KIAA1328: variants seen among roughly 807,000 people sequenced by gnomAD.
The protein encoded by KIAA1328 is KIAA1328, also known as protein hinderin.
KIAA1328 carries 52 observed loss-of-function variants against 68.1 expected under a neutral mutation model. The ratio of observed to expected loss-of-function variants is 0.76; its 90% CI spans 0.61 to 0.96. KIAA1328 has a LOEUF of 0.96. Ranked by LOEUF, KIAA1328 falls within the 40% of genes least tolerant of loss-of-function variation. The pLI, the probability that KIAA1328 is intolerant of heterozygous loss-of-function variation, is 0.00. For synonymous variants in KIAA1328, 232 were observed against 239.4 expected (o/e 0.97, Z 0.28); for missense variants, 641 against 677.6 (o/e 0.95, Z 0.60).
intron 5 of KIAA1328, among the ~76,000 whole-genome samples, chr18:36,909,754 G>A (rs1415844037): frequency 6.6e-6 from 1 of 152,180 alleles, no homozygotes; most frequent in Admixed American, 6.5e-5. Context: ...CCCACCAACA[G>A]TGTAAAAGTG....
At chr18:36,980,601 G>T (rs1449169609) in intron 6 of KIAA1328, among the ~76,000 whole-genome samples, 1 of 152,136 alleles carries the variant, frequency 6.6e-6, no homozygotes, top group African/African-American at 2.4e-5. Context: ...TAAGTGAAGT[G>T]AAAGGAAGTA....
At chr18:37,189,891 C>G (rs1335445352) in intron 9 of KIAA1328, among the ~76,000 whole-genome samples, 1 of 152,154 alleles carries the variant, frequency 6.6e-6, no homozygotes, top group Admixed American at 6.6e-5. Context: ...TAATCCTACT[C>G]TACCCACTGT....
At chr18:37,085,656 A>G (rs2057081023) in intron 7 of KIAA1328, among the ~76,000 whole-genome samples, 1 of 152,104 alleles carries the variant, frequency 6.6e-6, no homozygotes. Flanking sequence ...ATTTATATCC[A>G]TATTTCTGAA....
At chr18:37,040,290 A>G (rs180861323) in intron 6 of KIAA1328, among the ~76,000 whole-genome samples, 1 of 152,260 alleles carries the variant, frequency 6.6e-6, no homozygotes, top group Admixed American at 6.5e-5. Flanking sequence ...CAGATTTTCT[A>G]TATTTTTTGA....
In KIAA1328 at chr18:37,224,132, C is replaced by G; in HGVS notation, c.*1905C>G. 1.0e-6 allele frequency: 1 copy of G among 985,226 alleles called. No homozygotes were observed. The highest frequency in any genetic ancestry group is 1.2e-6 in the Non-Finnish European group (1 of 829,890). The allele number at this position is 985,226 out of a possible 1,614,324, so 61.0% of individuals were successfully genotyped here. On this transcript the variant is annotated 3_prime_UTR_variant, in exon 10 of 10. Transcript: ENST00000280020. The stretch of plus-strand genomic sequence containing the variant: ...GTTGCCAGAACTTTCTTTTCCTTGC[C>G]CCCTGTGTCATGACTAGCTTAAGTG...
At chr18:37,152,376 C>G in intron 7 of KIAA1328, among the ~76,000 whole-genome samples, 1 of 152,024 alleles carries the variant, frequency 6.6e-6, no homozygotes, top group East Asian at 1.9e-4. Flanking sequence ...TATAGATTCC[C>G]CTGGTATCGT....
At chr18:36,840,914 T>C (rs1041355419) in intron 3 of KIAA1328, among the ~76,000 whole-genome samples, 12 of 152,180 alleles carry the variant, frequency 7.9e-5, no homozygotes, top group African/African-American at 2.4e-4. Context: ...GAAAAGCTTA[T>C]AAAGCATAAA....
intron 7 of KIAA1328, among the ~76,000 whole-genome samples, chr18:37,119,183 A>G (rs866938014): frequency 3.4e-4 from 51 of 152,218 alleles, no homozygotes; most frequent in Non-Finnish European, 5.9e-5. Context: ...GAAAATCCAT[A>G]TATAGAGTAA....
chr18:37,223,202 A>G lies in KIAA1328; in HGVS notation c.*975A>G, dbSNP rs3747899. 0.18 allele frequency: 177,448 copies of G among 984,850 alleles called. 21,387 individuals are homozygous for G. Among genetic ancestry groups the G allele is most frequent in the African/African-American group, 0.59 (33,783 of 57,090 alleles). 61.0% of individuals were successfully genotyped at this position (984,850 alleles called of 1,614,324 possible). ...TTCCTCCACGAGGATTAAAGGATACAAGCTGACCAGGCCTCACAGGTGCTC... is the reference window on the plus strand; with the variant it reads ...TTCCTCCACGAGGATTAAAGGATACGAGCTGACCAGGCCTCACAGGTGCTC... On this transcript the variant is annotated 3_prime_UTR_variant, in exon 10 of 10. Transcript: ENST00000280020.
At chr18:36,982,146 AATATATATAATAT>A (rs1228241770) in intron 6 of KIAA1328, among the ~76,000 whole-genome samples, 15 of 55,922 alleles carry the variant, frequency 2.7e-4, no homozygotes, top group East Asian at 1.8e-3. Flanking sequence ...AATATAAATA[AATATATATAATAT>A]ATATATATAA....
chr18:37,037,974 G>A (rs1377699738), intron 6 of KIAA1328, among the ~76,000 whole-genome samples: 1 of 152,060 alleles, frequency 6.6e-6, no homozygotes, highest in Non-Finnish European at 1.5e-5. Context: ...GGTGGCACGC[G>A]CCTGTAGTCC....
chr18:37,041,000 G>A (rs1330392172), intron 6 of KIAA1328, among the ~76,000 whole-genome samples: 7 of 151,506 alleles, frequency 4.6e-5, no homozygotes, highest in Non-Finnish European at 1.5e-5. Context: ...TATTTTATAT[G>A]TTATTAAAAA....
intron 4 of KIAA1328, among the ~76,000 whole-genome samples, chr18:36,875,929 G>A (rs546276889): frequency 5.6e-4 from 85 of 152,086 alleles, no homozygotes; most frequent in African/African-American, 2.0e-3. Flanking sequence ...AGGTAATCGT[G>A]GTTTTTGTCA....
At chr18:36,888,513 C>G (rs1345068180) in intron 5 of KIAA1328, among the ~76,000 whole-genome samples, 1 of 151,842 alleles carries the variant, frequency 6.6e-6, no homozygotes, top group African/African-American at 2.4e-5. Context: ...AGGATTGGAG[C>G]AAATGGTATA....
intron 9 of KIAA1328, among the ~76,000 whole-genome samples, chr18:37,178,313 A>G (rs1441201073): frequency 6.6e-6 from 1 of 152,132 alleles, no homozygotes. Context: ...TTGGAAAGCA[A>G]TTGAGGCCAA....
intron 6 of KIAA1328, among the ~76,000 whole-genome samples, chr18:37,013,987 C>T (rs190953241): frequency 7.9e-5 from 12 of 152,294 alleles, no homozygotes; most frequent in Admixed American, 5.2e-4. Flanking sequence ...TCCTTTTCTC[C>T]GCATCCTCGC....
At chr18:37,036,012 A>G (rs1159125386) in intron 6 of KIAA1328, among the ~76,000 whole-genome samples, 2 of 152,184 alleles carry the variant, frequency 1.3e-5, no homozygotes, top group African/African-American at 4.8e-5. Flanking sequence ...ATGCCTTCAG[A>G]GAAGATAATT....
At chr18:37,049,583 C>T (rs1431339731) in intron 6 of KIAA1328, among the ~76,000 whole-genome samples, 1 of 152,164 alleles carries the variant, frequency 6.6e-6, no homozygotes, top group African/African-American at 2.4e-5. Context: ...CCTCCAAGGA[C>T]AGCCATCTTA....
intron 5 of KIAA1328, among the ~76,000 whole-genome samples, chr18:36,915,297 A>G (rs532277813): frequency 2.0e-5 from 3 of 152,298 alleles, no homozygotes; most frequent in Admixed American, 2.0e-4. Context: ...ATTTTCTGAT[A>G]TGAAACCAAA....
Sources: gnomAD v4.1 joint callset for allele counts (sites outside exome capture counted in the v4.1 genomes callset) on GRCh38, gnomAD v4.1.1 for gene constraint, MANE v1.5 for transcripts, NCBI Gene and HGNC (gene_info 2026-07-23, HGNC 2026-07-21) for gene names.